Variants in CMIP observed in about 807,000 individuals in gnomAD.
The protein encoded by CMIP is C-Maf-inducing protein.
Under a neutral mutation model 97.3 loss-of-function variants are expected in CMIP, and 13 were observed. That is an observed-to-expected ratio of 0.13 (90% CI 0.09 to 0.21). The LOEUF (loss-of-function observed/expected upper bound fraction) is 0.21. CMIP is among the 10% of genes least tolerant of loss of function. The pLI is 1.00. For synonymous variants in CMIP, 538 were observed against 436.3 expected (o/e 1.23, Z -2.91); for missense variants, 847 against 1,024.9 (o/e 0.83, Z 2.37).
chr16:81,483,008 G>T (rs1043100341), intron 1 of CMIP, among the ~76,000 whole-genome samples: 3 of 152,254 alleles, frequency 2.0e-5, no homozygotes, highest in Non-Finnish European at 2.9e-5. Flanking sequence ...CCTACTTGGA[G>T]CCCCCATTCT....
At position 81,616,292 on chromosome 16, in the gene CMIP, G is replaced by A. The variant is rs1009144338; in HGVS notation, c.427-4584G>A. ...TCAGGGTGTGGGCCGAGGGCTTGAA[G>A]AAGTGGCCGCCAGAAGCTTCAGGAG... On this transcript the variant is annotated intron_variant, in intron 2 of 20. Transcript: ENST00000537098. This position sits in a 1 kb window ranked among gnomAD's most constrained non-coding sequence, Gnocchi z 4.7. 2.6e-5 allele frequency among the ~76,000 whole-genome samples: 4 copies of A among 152,218 alleles called. No individual in the cohort carries two copies. The highest frequency in any genetic ancestry group is 7.2e-5 in the African/African-American group (3 of 41,538).
intron 3 of CMIP, among the ~76,000 whole-genome samples, chr16:81,651,029 G>A (rs1213384214): frequency 6.6e-6 from 1 of 152,142 alleles, no homozygotes; most frequent in African/African-American, 2.4e-5. Flanking sequence ...GGGAGGCTCT[G>A]GCAGCTTCTA....
Position 81,525,566 on chromosome 16 carries a change from C to T in CMIP, c.300+80025C>T, listed in dbSNP as rs183908374. Among the ~76,000 whole-genome samples, 377 of 152,274 alleles carry T rather than the reference C, an allele frequency of 2.5e-3. 1 individual carries two copies. The highest frequency in any genetic ancestry group is 8.5e-3 in the African/African-American group (351 of 41,526). On this transcript the variant is annotated intron_variant, in intron 1 of 20. Transcript: ENST00000537098. ...AGAGTATGGCTATGTTGCCCAGGAA[C>T]TCCTGGGCTCAAATGGTTCTCCTCC...
chr16:81,671,993 C>T lies in CMIP; in HGVS notation c.957C>T (p.Pro319=), dbSNP rs750045706. The T allele has an allele frequency of 6.3e-7, 1 of 1,598,944 alleles. No individual in the cohort carries two copies. The highest frequency in any genetic ancestry group is 1.7e-5 in the Admixed American group (1 of 58,336). ...QSMHGPTGHC[P]HPRVLPNLVA... ...TGCACGGCCCCACAGGGCACTGCCC[C>T]CACCCCCGGGTCCTGCCCAACCTGG... Residue 319 remains proline (P), a synonymous_variant, in exon 9 of 21, where the codon CCC becomes CCT. Coordinates refer to ENST00000537098, the MANE Select transcript of CMIP (RefSeq NM_198390.3).
intron 1 of CMIP, among the ~76,000 whole-genome samples, chr16:81,471,009 C>T (rs984989920): frequency 2.0e-5 from 3 of 151,634 alleles, no homozygotes; most frequent in Non-Finnish European, 4.4e-5. Flanking sequence ...CACACAGGCA[C>T]ACATGTGCGC....
At chr16:81,607,894 T>C (rs1407341998) in intron 2 of CMIP, among the ~76,000 whole-genome samples, 1 of 152,244 alleles carries the variant, frequency 6.6e-6, no homozygotes, top group Non-Finnish European at 1.5e-5. Context: ...CCTGAGCGTC[T>C]CCTGCACACC....
intron 6 of CMIP, among the ~76,000 whole-genome samples, chr16:81,661,312 C>G (rs1187222046): frequency 2.6e-5 from 4 of 152,228 alleles, no homozygotes; most frequent in Non-Finnish European, 5.9e-5. Context: ...GTGGGGCTTT[C>G]CCTGAACACG....
At chr16:81,449,674 C>G (rs1028077873) in intron 1 of CMIP, among the ~76,000 whole-genome samples, 1 of 151,668 alleles carries the variant, frequency 6.6e-6, no homozygotes, top group Admixed American at 6.6e-5. Flanking sequence ...AGATTTCCCC[C>G]CCCCCCTTTC....
At chr16:81,518,778 A>C (rs1020017554) in intron 1 of CMIP, 3 of 151,478 alleles carry the variant, frequency 2.0e-5, no homozygotes, top group African/African-American at 7.3e-5. Flanking sequence ...CAGGAAGATC[A>C]CTTGAGCCCA....
chr16:81,535,468 T>G, intron 1 of CMIP, among the ~76,000 whole-genome samples: 1 of 45,044 alleles, frequency 2.2e-5, no homozygotes, highest in East Asian at 3.7e-4. Flanking sequence ...CTGGAATGCT[T>G]TTTTTTTTTT....
In CMIP at chr16:81,621,083, T is replaced by A; in HGVS notation, c.477+157T>A. ...TCCCCTACCTAAGAGCCCCTGGCCC[T>A]TCGTCCTCTGCTGTTCAATTCCTGT... On this transcript the variant is annotated intron_variant, in intron 3 of 20. Coordinates refer to ENST00000537098, the MANE Select transcript of CMIP (RefSeq NM_198390.3). The surrounding 1 kb of genome is among the most constrained non-coding windows in gnomAD (Gnocchi z 4.1). The A allele has an allele frequency of 1.3e-6, 1 of 765,960 alleles. No homozygotes were observed. The highest frequency in any genetic ancestry group is 2.1e-6 in the Non-Finnish European group (1 of 475,644). The allele number at this position is 765,960 out of a possible 1,614,324, so 47.4% of individuals were successfully genotyped here. A position where few individuals can be genotyped will look rare whatever the true frequency, so the allele number is the denominator to read the frequency against.
At chr16:81,486,493 C>A (rs542947435) in intron 1 of CMIP, among the ~76,000 whole-genome samples, 1 of 152,310 alleles carries the variant, frequency 6.6e-6, no homozygotes, top group East Asian at 1.9e-4. Flanking sequence ...CGGGTCCTCG[C>A]TGGAGTTCAT....
intron 1 of CMIP, among the ~76,000 whole-genome samples, chr16:81,480,104 G>T (rs537093915): frequency 1.3e-5 from 2 of 152,308 alleles, no homozygotes; most frequent in Admixed American, 6.5e-5. Flanking sequence ...TTTTCCGAGC[G>T]ATTCTAACAT....
intron 3 of CMIP, among the ~76,000 whole-genome samples, chr16:81,638,029 C>G (rs989579066): frequency 5.9e-5 from 9 of 152,082 alleles, no homozygotes; most frequent in Admixed American, 1.3e-4. Flanking sequence ...CTCCTAACAC[C>G]CCCCCCACTG....
intron 1 of CMIP, among the ~76,000 whole-genome samples, chr16:81,545,338 C>T (rs954656637): frequency 6.6e-6 from 1 of 152,200 alleles, no homozygotes; most frequent in Non-Finnish European, 1.5e-5. Context: ...AGCATGGTGC[C>T]TGGAAGAGGG....
chr16:81,518,704 G>A (rs2089963626), intron 1 of CMIP: 1 of 152,148 alleles, frequency 6.6e-6, no homozygotes, highest in Admixed American at 6.6e-5. Flanking sequence ...GTCTGTTGGT[G>A]TTGATTAAAA....
chr16:81,454,913 G>C (rs977960021), intron 1 of CMIP, among the ~76,000 whole-genome samples: 4 of 152,182 alleles, frequency 2.6e-5, no homozygotes, highest in African/African-American at 9.7e-5. Flanking sequence ...GGTCGGAGGT[G>C]GGAATGAGCA....
chr16:81,645,972 T>C (rs1237280289), intron 3 of CMIP, among the ~76,000 whole-genome samples: 1 of 152,174 alleles, frequency 6.6e-6, no homozygotes, highest in African/African-American at 2.4e-5. Flanking sequence ...TTGTTCACCA[T>C]GGTTATCCTT....
intron 1 of CMIP, among the ~76,000 whole-genome samples, chr16:81,596,172 G>C (rs1232292885): frequency 6.6e-6 from 1 of 152,170 alleles, no homozygotes; most frequent in African/African-American, 2.4e-5. Context: ...CCAAGTTGTG[G>C]AGTTTGGATT....
Sources: allele counts gnomAD v4.1 joint callset (sites outside exome capture counted in the v4.1 genomes callset), GRCh38; gene constraint gnomAD v4.1.1; non-coding constraint Gnocchi (gnomAD v3.1); transcripts MANE v1.5; gene names NCBI Gene and HGNC (gene_info 2026-07-23, HGNC 2026-07-21).